GCH1: variants seen among roughly 807,000 people sequenced by gnomAD.
The protein encoded by GCH1 is GTP cyclohydrolase I.
In GCH1, 5 loss-of-function variants were observed where a neutral mutation model predicts 25.9. The ratio of observed to expected loss-of-function variants is 0.19; its 90% CI spans 0.10 to 0.41. The LOEUF (loss-of-function observed/expected upper bound fraction) is 0.41. GCH1 is among the 10% of genes least tolerant of loss of function. The pLI is 1.00. For synonymous variants in GCH1, 159 were observed against 129.6 expected (o/e 1.23, Z -1.54); for missense variants, 261 against 336.5 (o/e 0.78, Z 1.75).
chr14:54,866,215 C>G (rs774093424), intron 1 of GCH1, among the ~76,000 whole-genome samples: 14 of 152,134 alleles, frequency 9.2e-5, no homozygotes, highest in Non-Finnish European at 1.8e-4. Context: ...TGAGAGCACT[C>G]TGAGCTTCCT....
At position 54,845,802 on chromosome 14, in the gene GCH1, G is replaced by T. The variant is rs752447862; in HGVS notation, c.592C>A (p.Arg198=). 5.6e-6 allele frequency: 9 copies of T among 1,609,436 alleles called. No individual in the cohort carries two copies. Among genetic ancestry groups the T allele is most frequent in the Non-Finnish European group, 6.8e-6 (8 of 1,175,830 alleles). The change falls in exon 5 of 6, where the codon CGG becomes AGG. Residue 198 remains arginine (R), a synonymous_variant. Coordinates refer to ENST00000491895, the MANE Select transcript of GCH1 (RefSeq NM_000161.3). Reference sequence around the variant, plus strand: ...ACCACTACCCCGACTCCAGCAGGCCGCAAGGCTTCCGTGATTGCTACAGCA... The same window carrying T: ...ACCACTACCCCGACTCCAGCAGGCCTCAAGGCTTCCGTGATTGCTACAGCA... ...QIAVAITEAL[R]PAGVGVVVEA...
At chr14:54,850,893 G>A (rs2039719592) in intron 3 of GCH1, among the ~76,000 whole-genome samples, 1 of 152,188 alleles carries the variant, frequency 6.6e-6, no homozygotes, top group Non-Finnish European at 1.5e-5. Context: ...GGACATTTGG[G>A]TTGGTTCCAA....
intron 3 of GCH1, 66 bp from the exon 4 acceptor site, chr14:54,847,196 C>A: frequency 1.5e-6 from 1 of 668,600 alleles, no homozygotes; most frequent in East Asian, 2.9e-5. Context: ...AAGCCTTCCT[C>A]ATAAAACAAA....
chr14:54,843,046 T>G lies in GCH1; in HGVS notation c.*971A>C. The G allele has an allele frequency of 1.0e-6, 1 of 987,390 alleles. No homozygotes were observed. Among genetic ancestry groups the G allele is most frequent in the Non-Finnish European group, 1.6e-6 (1 of 608,674 alleles). The allele number at this position is 987,390 out of a possible 1,614,324, so 61.2% of individuals were successfully genotyped here. A position where few individuals can be genotyped will look rare whatever the true frequency, so the allele number is the denominator to read the frequency against. On this transcript the variant is annotated 3_prime_UTR_variant, in exon 6 of 6. Coordinates refer to ENST00000491895, the MANE Select transcript of GCH1 (RefSeq NM_000161.3). ...CGTTCAGGTGCGTGGAAGCTATGGT[T>G]CTGCAGACCTGAAAATGATGGGCAC...
chr14:54,867,663 T>C (rs1323658591), intron 1 of GCH1, among the ~76,000 whole-genome samples: 1 of 149,788 alleles, frequency 6.7e-6, no homozygotes, highest in East Asian at 2.0e-4. Context: ...CAAGGTACTC[T>C]GTACCTCAGT....
chr14:54,889,906 A>G (rs1454849340), intron 1 of GCH1, among the ~76,000 whole-genome samples: 1 of 152,224 alleles, frequency 6.6e-6, no homozygotes, highest in African/African-American at 2.4e-5. Flanking sequence ...AAAAAATGCC[A>G]AAAAATGTAG....
chr14:54,900,026 G>A (rs916230505), intron 1 of GCH1, among the ~76,000 whole-genome samples: 3 of 151,704 alleles, frequency 2.0e-5, no homozygotes, highest in South Asian at 2.1e-4. Flanking sequence ...CACCATGCCC[G>A]GCTAATTTTT....
At chr14:54,857,015 GAC>G (rs1594980614) in intron 3 of GCH1, among the ~76,000 whole-genome samples, 1 of 152,136 alleles carries the variant, frequency 6.6e-6, no homozygotes, top group East Asian at 1.9e-4. Flanking sequence ...GTTTTGCTAA[GAC>G]ATTCAGCTTT....
At chr14:54,853,922 CA>C (rs1341025115) in intron 3 of GCH1, among the ~76,000 whole-genome samples, 1 of 152,170 alleles carries the variant, frequency 6.6e-6, no homozygotes, top group Non-Finnish European at 1.5e-5. Flanking sequence ...CACTTTCCCC[CA>C]AATCATTAAT....
intron 3 of GCH1, among the ~76,000 whole-genome samples, chr14:54,851,090 G>A (rs113517371): frequency 3.9e-5 from 6 of 152,294 alleles, no homozygotes; most frequent in East Asian, 1.9e-4. Context: ...CACATCTACA[G>A]CCATCTGATC....
intron 1 of GCH1, among the ~76,000 whole-genome samples, chr14:54,889,359 A>G (rs2040396329): frequency 6.6e-6 from 1 of 152,352 alleles, no homozygotes; most frequent in South Asian, 2.1e-4. Flanking sequence ...AGGTAAAATT[A>G]TATTTTAAGC....
At chr14:54,856,059 T>A (rs768608962) in intron 3 of GCH1, among the ~76,000 whole-genome samples, 1 of 152,168 alleles carries the variant, frequency 6.6e-6, no homozygotes, top group Non-Finnish European at 1.5e-5. Flanking sequence ...TGTAATCTAA[T>A]ACTCACCTCA....
At chr14:54,899,825 T>A (rs2040537894) in intron 1 of GCH1, among the ~76,000 whole-genome samples, 1 of 151,666 alleles carries the variant, frequency 6.6e-6, no homozygotes, top group Non-Finnish European at 1.5e-5. Context: ...TTCTCGCCAG[T>A]CCCTGACAAC....
chr14:54,894,873 G>A (rs554546940), intron 1 of GCH1, among the ~76,000 whole-genome samples: 1 of 152,116 alleles, frequency 6.6e-6, no homozygotes, highest in Non-Finnish European at 1.5e-5. Flanking sequence ...ATTTGAGTGA[G>A]CTACACATCT....
chr14:54,891,948 T>C (rs556748314), intron 1 of GCH1, among the ~76,000 whole-genome samples: 154 of 152,308 alleles, frequency 1.0e-3, no homozygotes, highest in African/African-American at 3.0e-3. Flanking sequence ...AGTAGTGACG[T>C]TGGCAATTCA....
intron 1 of GCH1, among the ~76,000 whole-genome samples, chr14:54,872,150 C>A (rs1303390528): frequency 6.6e-6 from 1 of 152,152 alleles, no homozygotes; most frequent in Non-Finnish European, 1.5e-5. Flanking sequence ...GCTGATCTCT[C>A]GGCAGAAACT....
intron 1 of GCH1, among the ~76,000 whole-genome samples, chr14:54,870,708 G>T (rs1208594749): frequency 6.6e-6 from 1 of 152,204 alleles, no homozygotes; most frequent in East Asian, 1.9e-4. Context: ...AATATCCTGC[G>T]CTTGGCTCGG....
Position 54,849,422 on chromosome 14 carries a change from A to C in GCH1, c.510-2292T>G, listed in dbSNP as rs190674544. 4.6e-5 allele frequency among the ~76,000 whole-genome samples: 7 copies of C among 152,318 alleles called. No homozygotes were observed. In the East Asian group the frequency reaches 1.2e-3, roughly 25 times the overall value. On this transcript the variant is annotated intron_variant, in intron 3 of 5. Transcript: ENST00000491895. ...TTGCTGGGAACCGAATTCTAGTTTG[A>C]CACTGATATCTATCTTGCCCTTCAG...
At chr14:54,869,261 G>A (rs1169945558) in intron 1 of GCH1, among the ~76,000 whole-genome samples, 2 of 151,808 alleles carry the variant, frequency 1.3e-5, no homozygotes, top group Non-Finnish European at 2.9e-5. Flanking sequence ...GGCTGGTCTC[G>A]AACTCCTGAC....
Sources: gnomAD v4.1 joint callset for allele counts (sites outside exome capture counted in the v4.1 genomes callset) on GRCh38, gnomAD v4.1.1 for gene constraint, MANE v1.5 for transcripts, NCBI Gene and HGNC (gene_info 2026-07-23, HGNC 2026-07-21) for gene names.